Variants in CFAP65 observed in about 807,000 individuals in gnomAD.
CFAP65 encodes cilia and flagella associated protein 65.
CFAP65 carries 155 observed loss-of-function variants against 208.0 expected under a neutral mutation model. That is an observed-to-expected ratio of 0.75 (90% CI 0.65 to 0.85). The LOEUF (loss-of-function observed/expected upper bound fraction) is 0.85. Among genes scored for constraint, CFAP65 ranks in the 40% least tolerant of loss-of-function variants. The pLI is 0.00. For missense variants in CFAP65, 2,294 were observed against 2,451.3 expected (o/e 0.94, Z 1.36); for synonymous variants, 970 against 986.3 (o/e 0.98, Z 0.31).
chr2:219,027,970 G>A lies in CFAP65; in HGVS notation c.1891C>T (p.Pro631Ser), dbSNP rs764319755. 2 of 1,518,838 alleles carry A rather than the reference G, an allele frequency of 1.3e-6. No homozygotes were observed. The highest frequency in any genetic ancestry group is 1.8e-6 in the Non-Finnish European group (2 of 1,134,574). 94.1% of individuals were successfully genotyped at this position (1,518,838 alleles called of 1,614,324 possible). ...DMPAPQYPYI[P>S]PMTEFFFDGT... Reference sequence around the variant, plus strand: ...TCGAAGAAGAACTCGGTCATGGGGGGGATATAAGGGTACTGCGGGGCCGGC... The same window carrying A: ...TCGAAGAAGAACTCGGTCATGGGGGAGATATAAGGGTACTGCGGGGCCGGC... Residue 631 changes from proline to serine, a missense_variant, in exon 13 of 35, where the codon CCC becomes TCC. Physicochemically the swap from Pro to Ser is moderately conservative, Grantham distance 74 (BLOSUM62 -1). Coordinates refer to ENST00000341552, the MANE Select transcript of CFAP65 (RefSeq NM_194302.4).
chr2:219,007,019 C>T (rs1946055797), intron 29 of CFAP65, among the ~76,000 whole-genome samples: 1 of 152,046 alleles, frequency 6.6e-6, no homozygotes, highest in Admixed American at 6.5e-5. Context: ...CAAATGTAGG[C>T]GGGCAGCTCC....
intron 24 of CFAP65, among the ~76,000 whole-genome samples, chr2:219,013,050 G>T (rs1946591645): frequency 6.6e-6 from 1 of 152,140 alleles, no homozygotes; most frequent in South Asian, 2.1e-4. Flanking sequence ...AACTGGGCCT[G>T]GCAAAGGGCT....
chr2:219,025,147 T>A (rs1947548079), intron 14 of CFAP65, among the ~76,000 whole-genome samples: 1 of 152,058 alleles, frequency 6.6e-6, no homozygotes, highest in African/African-American at 2.4e-5. Context: ...AGTGCCTGTG[T>A]GTTAGCCGGT....
At chr2:219,027,207 A>C in intron 13 of CFAP65, 9 of 1,263,464 alleles carry the variant, frequency 7.1e-6, no homozygotes, top group African/African-American at 1.5e-5. Flanking sequence ...GACCCAGGGA[A>C]GCTGAGTCAG....
Position 219,023,333 on chromosome 2 carries a change from G to A in CFAP65, c.2694C>T (p.Thr898=). 10 of 1,612,316 alleles carry A rather than the reference G, an allele frequency of 6.2e-6. No individual in the cohort carries two copies. Among genetic ancestry groups the A allele is most frequent in the Non-Finnish European group, 8.5e-6 (10 of 1,179,470 alleles). The change falls in exon 16 of 35, where the codon ACC becomes ACT. Residue 898 remains threonine, a synonymous_variant. Coordinates refer to ENST00000341552, the MANE Select transcript of CFAP65 (RefSeq NM_194302.4). ...AGGGGTTGCGGAAGGTGAAGGGGCT[G>A]GTGGAGGAGCAGCCCACCCAGGTGG... ...FKPTWVGCSS[T]SPFTFRNPSR... is the part of the protein sequence containing the mutation.
chr2:219,035,551 C>T lies in CFAP65; in HGVS notation c.471G>A (p.Glu157=), dbSNP rs1285161584. 6.2e-7 allele frequency: 1 copy of T among 1,614,120 alleles called. No homozygotes were observed. The highest frequency in any genetic ancestry group is 2.2e-5 in the East Asian group (1 of 44,878). Residue 157 remains glutamate, a synonymous_variant, in exon 5 of 35, where the codon GAG becomes GAA. Coordinates refer to ENST00000341552, the MANE Select transcript of CFAP65 (RefSeq NM_194302.4). ...VAEELHWKGW[E]LGKETTRNLV... is the part of the protein sequence containing the mutation. Reference sequence around the variant, plus strand: ...GATTCCTTGTGGTCTCCTTTCCTAGCTCCCAGCCTTTCCAATGCAGCTCCT... The same window carrying T: ...GATTCCTTGTGGTCTCCTTTCCTAGTTCCCAGCCTTTCCAATGCAGCTCCT...
chr2:219,019,457 T>C (rs748900160), intron 20 of CFAP65, 49 bp downstream of exon 20: 1 of 1,490,238 alleles, frequency 6.7e-7, no homozygotes, highest in South Asian at 1.2e-5. Flanking sequence ...TGAACATCCC[T>C]AGATAGGCCC....
chr2:219,021,421 C>T, intron 18 of CFAP65, 141 bp from the exon 19 acceptor site: 3 of 1,066,268 alleles, frequency 2.8e-6, no homozygotes, highest in Non-Finnish European at 3.8e-6. Context: ...GCCCCTCCTC[C>T]CAGCCTGGGT....
In CFAP65 at chr2:219,009,947, C is replaced by T; in HGVS notation, c.4447G>A (p.Gly1483Arg). 1 of 1,608,856 alleles carries T rather than the reference C, an allele frequency of 6.2e-7. No homozygotes were observed. ...AGGGCTCAGGGGACTCTCACCTCCC[C>T]AAAATCTAGAGGACTTGGCTGCCAG... Reference protein sequence around the residue: ...FSWQPSPLDFGEVSVSPMIGV... With the variant: ...FSWQPSPLDFREVSVSPMIGV... The change falls in exon 27 of 35, where the codon GGG becomes AGG. Residue 1483 changes from glycine to arginine, a missense_variant. This residue lies in a region of CFAP65 where 1,427 missense variants were observed against 1,438.7 expected (regional missense o/e 0.99). Transcript: ENST00000341552.
chr2:219,006,590 T>C (rs1946010553), intron 29 of CFAP65, 81 bp from the exon 30 acceptor site: 1 of 1,412,228 alleles, frequency 7.1e-7, no homozygotes, highest in Admixed American at 1.7e-5. Context: ...TCCCAGCACT[T>C]TGGAAGGCCA....
rs145331168 is a variant in CFAP65, at chr2:219,030,690, G to A, written c.1160C>T (p.Ala387Val). The A allele has an allele frequency of 1.4e-5, 23 of 1,612,512 alleles. No individual in the cohort carries two copies. Among genetic ancestry groups the A allele is most frequent in the African/African-American group, 2.7e-5 (2 of 74,886 alleles). ...ERQIRLHNPS[A>V]VNAPFRIEIS... ...CCGCCCCTCCTGCCTGGTGCCTACC[G>A]CCGACGGGTTGTGTAGCCTGATCTG... The change falls in exon 9 of 35, where the codon GCG (alanine) becomes GTG (valine). Residue 387 changes from alanine (A) to valine (V), a missense_variant and splice_region_variant. Physicochemically the swap from Ala to Val is moderately conservative, Grantham distance 64. Around this residue, in one of 2 missense-constraint regions of CFAP65, gnomAD observed 867 missense variants for 1,012.6 expected, o/e 0.86. Transcript: ENST00000341552.
chr2:219,019,018 C>T (rs967014907), intron 21 of CFAP65, 33 bp downstream of exon 21: 16 of 1,613,754 alleles, frequency 9.9e-6, no homozygotes, highest in Non-Finnish European at 1.4e-5. Context: ...CACTTGTCTC[C>T]CAGGCCCCCC....
At chr2:219,007,804 T>C (rs76481289) in intron 29 of CFAP65, among the ~76,000 whole-genome samples, 13,904 of 151,456 alleles carry the variant, frequency 0.092, 2,078 homozygotes, top group African/African-American at 0.32. Flanking sequence ...TAAAAAGTAT[T>C]TTTAGACTTT....
intron 14 of CFAP65, among the ~76,000 whole-genome samples, chr2:219,024,478 G>C (rs1396698468): frequency 2.9e-5 from 4 of 139,136 alleles, no homozygotes; most frequent in African/African-American, 5.3e-5. Context: ...AAAGGGGCGG[G>C]GGGGGGGCAG....
intron 19 of CFAP65, among the ~76,000 whole-genome samples, chr2:219,020,843 G>C (rs1947219704): frequency 6.6e-6 from 1 of 152,202 alleles, no homozygotes; most frequent in Non-Finnish European, 1.5e-5. Context: ...ACCTGCCTGG[G>C]GCAGGCTAGT....
intron 4 of CFAP65, among the ~76,000 whole-genome samples, chr2:219,037,265 G>A (rs184733132): frequency 1.1e-3 from 169 of 152,230 alleles, no homozygotes; most frequent in African/African-American, 3.8e-3. Context: ...GGTAGCAGGC[G>A]CCTGTAATCC....
Position 219,040,618 on chromosome 2 carries a change from G to T in CFAP65, c.-48-54C>A, listed in dbSNP as rs1021771347. 5 of 1,552,046 alleles carry T rather than the reference G, an allele frequency of 3.2e-6. No individual in the cohort carries two copies. The African/African-American group carries it at 5.5e-5, about 17-fold the overall frequency. On this transcript the variant is annotated intron_variant, in intron 1 of 34. Coordinates refer to ENST00000341552, the MANE Select transcript of CFAP65 (RefSeq NM_194302.4). ...TTTTCTGCCACGGGATGGTCTTGCA[G>T]CCCTGTCCTGACTCATTAATGCCTC... is the stretch of plus-strand genomic sequence containing the variant.
At position 219,041,513 on chromosome 2, in the gene CFAP65, A is replaced by G; in HGVS notation, c.-74T>C. 1 of 1,550,608 alleles carries G rather than the reference A, an allele frequency of 6.4e-7. No individual in the cohort carries two copies. The highest frequency in any genetic ancestry group is 8.7e-7 in the Non-Finnish European group (1 of 1,147,008). On this transcript the variant is annotated 5_prime_UTR_variant, in exon 1 of 35. Coordinates refer to ENST00000341552, the MANE Select transcript of CFAP65 (RefSeq NM_194302.4). ...ATCGCCTCCATATTGCCGTCTCCAT[A>G]GATACAGGACGCGCAGGAAACGGCG... is the stretch of plus-strand genomic sequence containing the variant.
At chr2:219,040,177 T>C (rs1047920333) in intron 2 of CFAP65, among the ~76,000 whole-genome samples, 1 of 152,212 alleles carries the variant, frequency 6.6e-6, no homozygotes, top group Non-Finnish European at 1.5e-5. Context: ...CAACAGTTTA[T>C]GATTACGTGT....
Sources: gnomAD v4.1 joint callset for allele counts (sites outside exome capture counted in the v4.1 genomes callset) on GRCh38, gnomAD v4.1.1 for gene constraint, gnomAD v4.1.1 regional missense constraint, MANE v1.5 for transcripts, NCBI Gene and HGNC (gene_info 2026-07-23, HGNC 2026-07-21) for gene names.